Variants in SOX5 observed in about 807,000 individuals in gnomAD.
SOX5 encodes SRY-box transcription factor 5.
In SOX5, 9 loss-of-function variants were observed where a neutral mutation model predicts 92.0. The ratio of observed to expected loss-of-function variants is 0.10; its 90% CI spans 0.06 to 0.17. SOX5 has a LOEUF of 0.17. Ranked by LOEUF, SOX5 falls within the 10% of genes least tolerant of loss-of-function variation. The pLI is 1.00. For missense variants in SOX5, 642 were observed against 944.5 expected, an observed-to-expected ratio of 0.68 and a Z score of 4.20; for synonymous variants, 344 against 336.3, an observed-to-expected ratio of 1.02 and a Z score of -0.25.
chr12:23,664,214 AC>A (rs2083459034), intron 7 of SOX5, among the ~76,000 whole-genome samples: 1 of 152,138 alleles, frequency 6.6e-6, no homozygotes. Flanking sequence ...TTAAAACATC[AC>A]CTAAAAGAAA....
At chr12:24,432,765 T>C (rs764880681) in intron 1 of SOX5, among the ~76,000 whole-genome samples, 8 of 151,978 alleles carry the variant, frequency 5.3e-5, no homozygotes, top group Middle Eastern at 3.2e-3. Flanking sequence ...TGAGCCAAGA[T>C]CGCACCACTG....
Position 23,862,405 on chromosome 12 carries a change from A to C in SOX5, c.271-16212T>G, listed in dbSNP as rs182670309. Among the ~76,000 whole-genome samples, 19 of 152,304 alleles carry C rather than the reference A, an allele frequency of 1.2e-4. No individual in the cohort carries two copies. In the East Asian group the frequency reaches 3.3e-3, roughly 26 times the overall value. ...ATTCTCTCCAACTTACCGCCAGCAC[A>C]CAAGTGGGCCACCATACTCCTTGGT... is the stretch of plus-strand genomic sequence containing the variant. On this transcript the variant is annotated intron_variant, in intron 2 of 14. Transcript: ENST00000451604.
intron 1 of SOX5, among the ~76,000 whole-genome samples, chr12:24,559,934 C>T (rs138321863): frequency 2.6e-5 from 4 of 152,264 alleles, no homozygotes; most frequent in East Asian, 3.9e-4. Flanking sequence ...GTTTTGAATT[C>T]TATATACAAC....
intron 4 of SOX5, among the ~76,000 whole-genome samples, chr12:24,079,765 T>C (rs1943098660): frequency 6.6e-6 from 1 of 151,960 alleles, no homozygotes; most frequent in African/African-American, 2.4e-5. Context: ...ATGATTTATA[T>C]GTTATAGCAT....
intron 1 of SOX5, among the ~76,000 whole-genome samples, chr12:24,533,905 G>T (rs886397589): frequency 6.6e-6 from 1 of 152,184 alleles, no homozygotes; most frequent in Non-Finnish European, 1.5e-5. Context: ...TAGTGTGCAC[G>T]CTGTGAATGT....
In SOX5 at chr12:24,211,367, A is replaced by C. The variant is rs558458070; in HGVS notation, c.-2+1976T>G. ...TTCACTTTATGTTTTCTTCCATAGG[A>C]ATGAAAGCTCTGGGAGAGTAGGAAT... is the stretch of plus-strand genomic sequence containing the variant. On this transcript the variant is annotated intron_variant, in intron 4 of 4. Transcript: ENST00000446891. Among the ~76,000 whole-genome samples the C allele has an allele frequency of 5.9e-5, 9 of 152,344 alleles. No homozygotes were observed. The South Asian group carries it at 1.9e-3, about 32-fold the overall frequency.
At chr12:24,075,739 C>G (rs1942495702) in intron 4 of SOX5, among the ~76,000 whole-genome samples, 1 of 152,050 alleles carries the variant, frequency 6.6e-6, no homozygotes, top group African/African-American at 2.4e-5. Flanking sequence ...ATCACTGAAT[C>G]TCATGGCTTG....
chr12:24,552,112 C>G (rs541346708), intron 1 of SOX5, among the ~76,000 whole-genome samples: 68 of 152,168 alleles, frequency 4.5e-4, no homozygotes, highest in African/African-American at 1.5e-3. Flanking sequence ...TTCCTTATGT[C>G]AGGTCCCCTC....
chr12:24,044,289 A>G (rs1359751482), intron 4 of SOX5, among the ~76,000 whole-genome samples: 2 of 59,700 alleles, frequency 3.4e-5, no homozygotes, highest in Non-Finnish European at 9.3e-5. Flanking sequence ...GCAGGTAAGT[A>G]TAACACTGTT....
chr12:23,705,556 G>C (rs567215157), intron 6 of SOX5, among the ~76,000 whole-genome samples: 13 of 152,044 alleles, frequency 8.6e-5, no homozygotes, highest in Admixed American at 4.6e-4. Flanking sequence ...TTCTGAGGAG[G>C]GACCTGCCTG....
At chr12:24,372,098 C>T (rs1956798156) in intron 1 of SOX5, among the ~76,000 whole-genome samples, 1 of 151,964 alleles carries the variant, frequency 6.6e-6, no homozygotes, top group Non-Finnish European at 1.5e-5. Context: ...TTTCTTAGGT[C>T]TTTTTAAAAG....
intron 1 of SOX5, among the ~76,000 whole-genome samples, chr12:24,439,834 G>A (rs117922851): frequency 0.03 from 4,624 of 152,198 alleles, 104 homozygotes; most frequent in Admixed American, 0.044. Context: ...GGCGGAGCTT[G>A]CAGCAAGCCA....
chr12:24,295,064 T>A (rs919581956), intron 2 of SOX5, among the ~76,000 whole-genome samples: 5 of 152,098 alleles, frequency 3.3e-5, no homozygotes, highest in Middle Eastern at 3.2e-3. Flanking sequence ...CACAGACATA[T>A]ATAGAACGTA....
chr12:24,134,677 T>C (rs1949957001), intron 4 of SOX5, among the ~76,000 whole-genome samples: 1 of 152,138 alleles, frequency 6.6e-6, no homozygotes, highest in Non-Finnish European at 1.5e-5. Flanking sequence ...CTATCTGTAT[T>C]AAGAATGAAC....
intron 2 of SOX5, among the ~76,000 whole-genome samples, chr12:23,867,821 TAA>T (rs539920837): frequency 7.1e-6 from 1 of 140,440 alleles, no homozygotes. Context: ...ACAAAGATAG[TAA>T]AAAAAAAAAC....
chr12:23,997,150 T>A (rs902637891), intron 4 of SOX5, among the ~76,000 whole-genome samples: 3 of 152,128 alleles, frequency 2.0e-5, no homozygotes, highest in Non-Finnish European at 4.4e-5. Flanking sequence ...TTCATGTAAA[T>A]CTGTTAAGCC....
chr12:24,427,335 A>G (rs1255290016), intron 1 of SOX5, among the ~76,000 whole-genome samples: 1 of 152,214 alleles, frequency 6.6e-6, no homozygotes, highest in Non-Finnish European at 1.5e-5. Flanking sequence ...GTTGGTTTAA[A>G]TCACTTATTT....
intron 1 of SOX5, among the ~76,000 whole-genome samples, chr12:24,414,756 A>T (rs550635527): frequency 8.5e-5 from 13 of 152,336 alleles, no homozygotes; most frequent in African/African-American, 3.1e-4. Context: ...GAACTACCGC[A>T]TTCTTAGACT....
chr12:24,146,335 G>A (rs998737915), intron 4 of SOX5, among the ~76,000 whole-genome samples: 2 of 151,944 alleles, frequency 1.3e-5, no homozygotes, highest in African/African-American at 4.8e-5. Context: ...TATAATATCA[G>A]GAACATCCTC....
Sources: allele counts gnomAD v4.1 joint callset (sites outside exome capture counted in the v4.1 genomes callset), GRCh38; gene constraint gnomAD v4.1.1; transcripts MANE v1.5; gene names NCBI Gene and HGNC (gene_info 2026-07-23, HGNC 2026-07-21).